The following TSNARE1 variants were observed in gnomAD, a reference collection of about 807,000 sequenced individuals.
TSNARE1 encodes the protein t-SNARE domain-containing protein 1.
A neutral mutation model predicts 62.0 loss-of-function variants in TSNARE1; 49 were observed. The observed-to-expected ratio is 0.79, with a 90% CI of 0.63 to 1.00. The LOEUF (loss-of-function observed/expected upper bound fraction) is 1.00, where lower values mean the gene tolerates loss of function less well. Ranked by LOEUF, TSNARE1 falls within the 50% of genes least tolerant of loss-of-function variation. The probability of loss-of-function intolerance (pLI) is 0.00; values close to 1 mark genes in which losing one functional copy is unlikely to be tolerated. For synonymous variants in TSNARE1, 328 were observed against 294.4 expected, an observed-to-expected ratio of 1.11 and a Z score of -1.17; for missense variants, 755 against 700.1, an observed-to-expected ratio of 1.08 and a Z score of -0.88.
chr8:142,307,231 G>C (rs1001644143), intron 9 of TSNARE1, among the ~76,000 whole-genome samples: 1 of 152,096 alleles, frequency 6.6e-6, no homozygotes, highest in Admixed American at 6.5e-5. Flanking sequence ...ACCAGTGGGC[G>C]TGGTGGCCAC....
rs1817535753 is a variant in TSNARE1 at position 142,238,347 on chromosome 8, C to T, written c.1447-8768G>A. 5.3e-5 allele frequency among the ~76,000 whole-genome samples: 8 copies of T among 152,118 alleles called. No individual in the cohort carries two copies. In the South Asian group the frequency reaches 1.2e-3, roughly 24 times the overall value. The stretch of plus-strand genomic sequence containing the variant: ...ACCTCCATATCTGGCAATCCTGTTC[C>T]CCCTCCTTTCCTGCCTCCTTTCCAC... On this transcript the variant is annotated intron_variant, in intron 12 of 13. Coordinates refer to ENST00000524325, the MANE Select transcript of TSNARE1 (RefSeq NM_145003.5).
chr8:142,265,703 A>G (rs902934444), intron 12 of TSNARE1, among the ~76,000 whole-genome samples: 3 of 152,242 alleles, frequency 2.0e-5, no homozygotes, highest in Non-Finnish European at 4.4e-5. Context: ...AACATTTGAC[A>G]TGCCCAACAG....
intron 12 of TSNARE1, among the ~76,000 whole-genome samples, chr8:142,248,683 G>A (rs760477365): frequency 6.6e-5 from 10 of 152,166 alleles, no homozygotes; most frequent in Non-Finnish European, 1.5e-4. Context: ...TCTGGTTTAC[G>A]GAGGTGGAGC....
At chr8:142,382,422 T>C (rs1836836263) in intron 1 of TSNARE1, among the ~76,000 whole-genome samples, 1 of 152,106 alleles carries the variant, frequency 6.6e-6, no homozygotes, top group African/African-American at 2.4e-5. Context: ...CTCTGCCCAC[T>C]GACCAGCTGC....
At position 142,291,274 on chromosome 8, in the gene TSNARE1, T is replaced by C. The variant is rs1244387186; in HGVS notation, c.1291-6789A>G. 6.6e-6 allele frequency among the ~76,000 whole-genome samples: 1 copy of C among 151,892 alleles called. No individual in the cohort carries two copies. Among genetic ancestry groups the C allele is most frequent in the African/African-American group, 2.4e-5 (1 of 41,336 alleles). On this transcript the variant is annotated intron_variant, in intron 10 of 13. Coordinates refer to ENST00000524325, the MANE Select transcript of TSNARE1 (RefSeq NM_145003.5). The surrounding 1 kb of genome is among the most constrained non-coding windows in gnomAD (Gnocchi z 4.8). Reference sequence around the variant, plus strand: ...CATCGCGGTGAGGATGGCCTTGTGCTGGAGTAGGGCACCTGGGCTCGAATC... The same window carrying C: ...CATCGCGGTGAGGATGGCCTTGTGCCGGAGTAGGGCACCTGGGCTCGAATC...
At chr8:142,236,745 C>A (rs567540565) in intron 12 of TSNARE1, among the ~76,000 whole-genome samples, 1 of 152,292 alleles carries the variant, frequency 6.6e-6, no homozygotes, top group East Asian at 1.9e-4. Flanking sequence ...CACCTGTCTG[C>A]CCCAGTCCCT....
intron 10 of TSNARE1, among the ~76,000 whole-genome samples, chr8:142,297,348 C>G (rs540756776): frequency 2.0e-5 from 3 of 152,198 alleles, no homozygotes; most frequent in Admixed American, 2.0e-4. Context: ...CCAGGAATCG[C>G]GCAACACTGG....
At chr8:142,254,463 G>A (rs1424722642) in intron 12 of TSNARE1, among the ~76,000 whole-genome samples, 1 of 152,208 alleles carries the variant, frequency 6.6e-6, no homozygotes, top group Non-Finnish European at 1.5e-5. Flanking sequence ...TGAGTTCCCA[G>A]AAAGCGATGG....
chr8:142,282,520 G>A (rs1374767621), intron 11 of TSNARE1, among the ~76,000 whole-genome samples: 1 of 151,572 alleles, frequency 6.6e-6, no homozygotes, highest in Non-Finnish European at 1.5e-5. Flanking sequence ...AACGAGCAGA[G>A]GCGGGGTCAG....
At chr8:142,248,947 C>T (rs901699580) in intron 12 of TSNARE1, among the ~76,000 whole-genome samples, 1 of 152,250 alleles carries the variant, frequency 6.6e-6, no homozygotes, top group African/African-American at 2.4e-5. Flanking sequence ...CCCACGCCTC[C>T]TCCACTTCTA....
intron 12 of TSNARE1, among the ~76,000 whole-genome samples, chr8:142,256,373 CCACCATCAT>C (rs1818567666): frequency 6.4e-3 from 2 of 312 alleles, no homozygotes; most frequent in Admixed American, 0.042. Context: ...ACCATCATCA[CCACCATCAT>C]CATCACCAAT....
chr8:142,260,859 C>T (rs543512422), intron 12 of TSNARE1, among the ~76,000 whole-genome samples: 5 of 148,662 alleles, frequency 3.4e-5, no homozygotes, highest in African/African-American at 1.2e-4. Flanking sequence ...AGAGCCTCTG[C>T]AGCTGGGTCA....
In TSNARE1 at chr8:142,318,607, C is replaced by T; in HGVS notation, c.921G>A (p.Lys307=). 6.2e-7 allele frequency: 1 copy of T among 1,613,764 alleles called. No homozygotes were observed. The highest frequency in any genetic ancestry group is 1.3e-5 in the African/African-American group (1 of 75,012). ...CGGAGCTGGCGCTGGCTGCAATGGT[C>T]TTGTTGGTCTCCTGCTGTGCCGTGT... ...SLHTAQQETN[K]TIAASASSVK... The change falls in exon 7 of 14, where the codon AAG becomes AAA. Residue 307 remains lysine (K), a synonymous_variant. Coordinates refer to ENST00000524325, the MANE Select transcript of TSNARE1 (RefSeq NM_145003.5).
At chr8:142,282,737 C>T in intron 11 of TSNARE1, among the ~76,000 whole-genome samples, 1 of 147,642 alleles carries the variant, frequency 6.8e-6, no homozygotes, top group Non-Finnish European at 1.5e-5. Flanking sequence ...AGGCCACTGT[C>T]TGTCTAAGGG....
chr8:142,394,471 C>T (rs189099118), intron 1 of TSNARE1, among the ~76,000 whole-genome samples: 1 of 152,102 alleles, frequency 6.6e-6, no homozygotes, highest in African/African-American at 2.4e-5. Flanking sequence ...AAGGGAGGGA[C>T]GATGATGGCA....
At chr8:142,347,195 CAG>C (rs1028640741) in intron 2 of TSNARE1, among the ~76,000 whole-genome samples, 6 of 152,368 alleles carry the variant, frequency 3.9e-5, no homozygotes, top group Non-Finnish European at 8.8e-5. Context: ...TTCCGCAGGG[CAG>C]AGAAGTGCAG....
At chr8:142,245,507 A>G (rs1250113906) in intron 12 of TSNARE1, among the ~76,000 whole-genome samples, 1 of 152,260 alleles carries the variant, frequency 6.6e-6, no homozygotes, top group Non-Finnish European at 1.5e-5. Context: ...GTAGCTATGC[A>G]TAAGCACATG....
At chr8:142,401,783 G>A (rs978216672) in intron 1 of TSNARE1, among the ~76,000 whole-genome samples, 3 of 152,202 alleles carry the variant, frequency 2.0e-5, no homozygotes, top group African/African-American at 7.2e-5. Flanking sequence ...ACAGCCACCT[G>A]CATTCACGGC....
chr8:142,392,650 A>G (rs959045092), intron 1 of TSNARE1, among the ~76,000 whole-genome samples: 5 of 152,218 alleles, frequency 3.3e-5, no homozygotes, highest in African/African-American at 1.2e-4. Flanking sequence ...GAAACTCACA[A>G]GAGGCCAGGC....
Sources: allele counts gnomAD v4.1 joint callset (sites outside exome capture counted in the v4.1 genomes callset), GRCh38; gene constraint gnomAD v4.1.1; non-coding constraint Gnocchi (gnomAD v3.1); transcripts MANE v1.5; gene names NCBI Gene and HGNC (gene_info 2026-07-23, HGNC 2026-07-21).